Variants in CDK14 observed in about 807,000 individuals in gnomAD.
CDK14 encodes cyclin-dependent kinase 14.
In CDK14, 34 loss-of-function variants were observed where a neutral mutation model predicts 60.7. That is an observed-to-expected ratio of 0.56 (90% CI 0.43 to 0.75). CDK14 has a LOEUF of 0.75. Among genes scored for constraint, CDK14 ranks in the 30% least tolerant of loss-of-function variants. The probability of loss-of-function intolerance (pLI) is 0.00; values close to 1 mark genes in which losing one functional copy is unlikely to be tolerated. For synonymous variants in CDK14, 197 were observed against 203.7 expected, an observed-to-expected ratio of 0.97 and a Z score of 0.28; for missense variants, 482 against 564.1, an observed-to-expected ratio of 0.85 and a Z score of 1.47.
intron 10 of CDK14, among the ~76,000 whole-genome samples, chr7:91,015,741 A>G (rs75371520): frequency 0.014 from 2,175 of 150,236 alleles, 49 homozygotes; most frequent in African/African-American, 0.049. Context: ...TGGTTTTTTT[A>G]TACCTTACTT....
chr7:90,858,245 T>C (rs1790893548), intron 5 of CDK14, among the ~76,000 whole-genome samples: 1 of 152,188 alleles, frequency 6.6e-6, no homozygotes, highest in Non-Finnish European at 1.5e-5. Context: ...AAGATGAATG[T>C]TGGCAGGAAT....
chr7:91,170,254 C>T (rs901816101), intron 14 of CDK14, among the ~76,000 whole-genome samples: 7 of 151,964 alleles, frequency 4.6e-5, no homozygotes, highest in Admixed American at 1.3e-4. Context: ...AATAAATGCT[C>T]ATTTTAGCAT....
intron 4 of CDK14, among the ~76,000 whole-genome samples, chr7:90,782,213 CTGTT>C (rs1212757830): frequency 1.3e-5 from 2 of 152,096 alleles, no homozygotes; most frequent in South Asian, 2.1e-4. Flanking sequence ...ATTTGGCTCT[CTGTT>C]TGTCTATTAT....
chr7:90,842,797 G>A (rs1169233196), intron 5 of CDK14, among the ~76,000 whole-genome samples: 1 of 152,128 alleles, frequency 6.6e-6, no homozygotes, highest in Non-Finnish European at 1.5e-5. Flanking sequence ...GCAAAAGTTG[G>A]TACCTGGAAC....
At chr7:90,631,144 T>A (rs1799989082) in intron 2 of CDK14, among the ~76,000 whole-genome samples, 1 of 152,152 alleles carries the variant, frequency 6.6e-6, no homozygotes, top group Non-Finnish European at 1.5e-5. Flanking sequence ...TTGGTTTATT[T>A]CTCTAAGCTG....
At chr7:91,021,270 T>C (rs1796427750) in intron 10 of CDK14, among the ~76,000 whole-genome samples, 1 of 152,116 alleles carries the variant, frequency 6.6e-6, no homozygotes, top group South Asian at 2.1e-4. Flanking sequence ...CATCTTAGAG[T>C]TCTGTCTTCA....
intron 14 of CDK14, among the ~76,000 whole-genome samples, chr7:91,188,937 GTTGTT>G (rs556441570): frequency 0.012 from 1,901 of 152,108 alleles, 29 homozygotes; most frequent in South Asian, 0.023. Context: ...AAAGCGTGTT[GTTGTT>G]TTATTTTATT....
intron 6 of CDK14, among the ~76,000 whole-genome samples, chr7:90,864,347 A>G (rs931754837): frequency 3.9e-5 from 6 of 152,184 alleles, no homozygotes; most frequent in Non-Finnish European, 8.8e-5. Context: ...AGATTCACAC[A>G]TCAATGCAAA....
chr7:90,977,684 T>A (rs1007263216), intron 9 of CDK14, among the ~76,000 whole-genome samples: 2 of 152,174 alleles, frequency 1.3e-5, no homozygotes, highest in Non-Finnish European at 2.9e-5. Flanking sequence ...ATTGTAAATT[T>A]GCATCCACAC....
At chr7:90,715,147 G>C (rs1345213126) in intron 2 of CDK14, among the ~76,000 whole-genome samples, 3 of 151,964 alleles carry the variant, frequency 2.0e-5, no homozygotes, top group Non-Finnish European at 4.4e-5. Flanking sequence ...ACAGATATTT[G>C]AAAGGTGTAG....
At chr7:91,011,406 A>G (rs544039713) in intron 10 of CDK14, among the ~76,000 whole-genome samples, 2 of 152,298 alleles carry the variant, frequency 1.3e-5, no homozygotes, top group South Asian at 2.1e-4. Flanking sequence ...AAGCAATTTA[A>G]TTATAATGCA....
chr7:90,947,766 TACAA>T (rs1794142145), intron 8 of CDK14, among the ~76,000 whole-genome samples: 2 of 152,168 alleles, frequency 1.3e-5, no homozygotes, highest in African/African-American at 4.8e-5. Flanking sequence ...AAGCCTCCCA[TACAA>T]ACACTCATAC....
intron 14 of CDK14, among the ~76,000 whole-genome samples, chr7:91,173,422 C>G (rs1217319570): frequency 1.4e-5 from 2 of 142,422 alleles, no homozygotes; most frequent in Non-Finnish European, 3.1e-5. Flanking sequence ...AGTAAGACTG[C>G]ATCTCTTAAA....
At chr7:91,163,442 A>G (rs1584149378) in intron 14 of CDK14, among the ~76,000 whole-genome samples, 2 of 152,186 alleles carry the variant, frequency 1.3e-5, no homozygotes, top group East Asian at 3.8e-4. Context: ...CAAGGGGAAA[A>G]TATCACTGCA....
chr7:90,609,735 A>C (rs1799497126), intron 2 of CDK14, among the ~76,000 whole-genome samples: 1 of 152,194 alleles, frequency 6.6e-6, no homozygotes, highest in Non-Finnish European at 1.5e-5. Flanking sequence ...TCTTTATAGC[A>C]ATGTGAAAAT....
chr7:91,128,078 C>G (rs1249851740), intron 14 of CDK14, among the ~76,000 whole-genome samples: 1 of 152,154 alleles, frequency 6.6e-6, no homozygotes, highest in Non-Finnish European at 1.5e-5. Context: ...GCAAGTCTTT[C>G]TGGCTGAACA....
At chr7:90,669,873 T>C (rs376377436) in intron 2 of CDK14, among the ~76,000 whole-genome samples, 2 of 152,178 alleles carry the variant, frequency 1.3e-5, no homozygotes, top group African/African-American at 2.4e-5. Flanking sequence ...AGAATTGATA[T>C]AGAATAGATT....
At chr7:90,940,521 C>T (rs1793890198) in intron 8 of CDK14, among the ~76,000 whole-genome samples, 1 of 152,152 alleles carries the variant, frequency 6.6e-6, no homozygotes, top group African/African-American at 2.4e-5. Context: ...TGCAGTGGCT[C>T]ATACCTGTAC....
At chr7:91,027,781 C>G (rs1309569012) in intron 10 of CDK14, among the ~76,000 whole-genome samples, 4 of 6,808 alleles carry the variant, frequency 5.9e-4, no homozygotes, top group Admixed American at 1.6e-3. Flanking sequence ...CCTCCCCTCC[C>G]CTCCCCTCCC....
Sources: gnomAD v4.1 joint callset for allele counts (sites outside exome capture counted in the v4.1 genomes callset) on GRCh38, gnomAD v4.1.1 for gene constraint, MANE v1.5 for transcripts, NCBI Gene and HGNC (gene_info 2026-07-23, HGNC 2026-07-21) for gene names.